The following NRG4 variants were observed in gnomAD, a reference collection of about 807,000 sequenced individuals.
The protein encoded by NRG4 is neuregulin 4, also known as pro-neuregulin-4, membrane-bound isoform.
A neutral mutation model predicts 15.0 loss-of-function variants in NRG4; 10 were observed. The observed-to-expected ratio is 0.67, with a 90% CI of 0.41 to 1.13. The LOEUF (loss-of-function observed/expected upper bound fraction) is 1.13. Among genes scored for constraint, NRG4 ranks in the 50% most tolerant of loss-of-function variants. NRG4 has a pLI of 0.00. For synonymous variants in NRG4, 41 were observed against 50.1 expected, an observed-to-expected ratio of 0.82 and a Z score of 0.77; for missense variants, 139 against 140.2, an observed-to-expected ratio of 0.99 and a Z score of 0.04.
chr15:76,055,912 T>C (rs1411814497), intron 2 of NRG4, among the ~76,000 whole-genome samples: 1 of 152,244 alleles, frequency 6.6e-6, no homozygotes, highest in East Asian at 1.9e-4. Context: ...GATCTACTGT[T>C]CTTATTGCCC....
At chr15:75,978,381 AT>A (rs1157857291) in intron 3 of NRG4, among the ~76,000 whole-genome samples, 2 of 151,870 alleles carry the variant, frequency 1.3e-5, no homozygotes, top group African/African-American at 4.8e-5. Flanking sequence ...ACGGGACTTC[AT>A]TTTTTTTATG....
At chr15:76,035,051 A>G (rs1382743900) in intron 5 of NRG4, among the ~76,000 whole-genome samples, 1 of 152,232 alleles carries the variant, frequency 6.6e-6, no homozygotes, top group Non-Finnish European at 1.5e-5. Context: ...TTGCGGTCAC[A>G]TAACAAGGGT....
chr15:76,042,516 G>T (rs1212864203), intron 4 of NRG4, among the ~76,000 whole-genome samples: 1 of 150,848 alleles, frequency 6.6e-6, no homozygotes, highest in Non-Finnish European at 1.5e-5. Context: ...ATCATTAGAG[G>T]CTACTGTGAG....
intron 3 of NRG4, among the ~76,000 whole-genome samples, chr15:75,986,937 A>C (rs1024649114): frequency 6.6e-6 from 1 of 152,204 alleles, no homozygotes; most frequent in African/African-American, 2.4e-5. Flanking sequence ...AAGTTTAAGA[A>C]CTATTTATTT....
intron 4 of NRG4, among the ~76,000 whole-genome samples, chr15:76,047,067 C>G (rs2035884751): frequency 6.6e-6 from 1 of 150,738 alleles, no homozygotes; most frequent in Admixed American, 6.6e-5. Flanking sequence ...AAAAAACACT[C>G]AACATGACTA....
chr15:75,967,379 C>T (rs1165674784), intron 3 of NRG4, among the ~76,000 whole-genome samples: 1 of 151,418 alleles, frequency 6.6e-6, no homozygotes, highest in African/African-American at 2.4e-5. Context: ...ATGACATTAG[C>T]ACCATTAAAA....
At chr15:76,047,740 A>C (rs2035906465) in intron 4 of NRG4, among the ~76,000 whole-genome samples, 2 of 151,182 alleles carry the variant, frequency 1.3e-5, no homozygotes, top group Non-Finnish European at 2.9e-5. Context: ...ACCTCAAAAA[A>C]AGTGAAAAAA....
chr15:75,979,988 T>A (rs1217550424), intron 3 of NRG4, among the ~76,000 whole-genome samples: 3 of 152,184 alleles, frequency 2.0e-5, no homozygotes, highest in African/African-American at 7.2e-5. Flanking sequence ...TCAACTAATT[T>A]ATCATTTTTT....
chr15:76,043,249 T>C (rs772853426), intron 4 of NRG4, among the ~76,000 whole-genome samples: 4 of 152,190 alleles, frequency 2.6e-5, no homozygotes, highest in Non-Finnish European at 5.9e-5. Flanking sequence ...ATGACAAGGA[T>C]GCCCACTTTC....
intron 3 of NRG4, among the ~76,000 whole-genome samples, chr15:76,000,392 A>G (rs183828425): frequency 6.6e-6 from 1 of 152,334 alleles, no homozygotes; most frequent in Admixed American, 6.5e-5. Flanking sequence ...TATATAAACA[A>G]ATACATTATC....
At chr15:76,050,674 G>C (rs888026703) in intron 4 of NRG4, among the ~76,000 whole-genome samples, 4 of 137,452 alleles carry the variant, frequency 2.9e-5, no homozygotes, top group Non-Finnish European at 4.6e-5. Flanking sequence ...TTGAACTCCT[G>C]ACCTCCTGAT....
downstream of NRG4, chr15:75,936,639 A>G (rs1366046058): frequency 6.6e-6 from 1 of 152,096 alleles, no homozygotes; most frequent in African/African-American, 2.4e-5. Context: ...TAATGGCACA[A>G]TCTCGACTCA....
intron 3 of NRG4, among the ~76,000 whole-genome samples, chr15:75,996,447 T>A (rs1385597285): frequency 2.6e-5 from 4 of 152,168 alleles, no homozygotes. Context: ...ATTAAACAAA[T>A]GAGCCTTGCT....
intron 3 of NRG4, among the ~76,000 whole-genome samples, chr15:75,990,671 G>GTTTTTTTTT (rs374504639): frequency 3.8e-5 from 5 of 130,614 alleles, no homozygotes; most frequent in African/African-American, 5.9e-5. Context: ...GTTGGTAATT[G>GTTTTTTTTT]TTTTTTTTTT....
At chr15:75,955,523 G>C (rs2032184420) in intron 5 of NRG4, among the ~76,000 whole-genome samples, 1 of 151,948 alleles carries the variant, frequency 6.6e-6, no homozygotes, top group Non-Finnish European at 1.5e-5. Flanking sequence ...ACTCCATCTT[G>C]GCCAGAAGTC....
intron 4 of NRG4, among the ~76,000 whole-genome samples, chr15:76,049,464 C>CA (rs2035947429): frequency 6.6e-6 from 1 of 150,730 alleles, no homozygotes; most frequent in Non-Finnish European, 1.5e-5. Flanking sequence ...CACATTCACT[C>CA]TACACCCAAT....
chr15:76,035,601 T>C (rs944313866), intron 5 of NRG4, among the ~76,000 whole-genome samples: 1 of 152,136 alleles, frequency 6.6e-6, no homozygotes, highest in African/African-American at 2.4e-5. Context: ...GGCAGTGTTA[T>C]AGAAATACAT....
At chr15:76,000,133 C>T (rs1038792586) in intron 3 of NRG4, among the ~76,000 whole-genome samples, 6 of 152,154 alleles carry the variant, frequency 3.9e-5, no homozygotes, top group Non-Finnish European at 8.8e-5. Flanking sequence ...ATCCACCCAC[C>T]TCGGCCTCCT....
intron 3 of NRG4, among the ~76,000 whole-genome samples, chr15:75,996,755 G>A (rs972195143): frequency 6.6e-6 from 1 of 152,092 alleles, no homozygotes; most frequent in Non-Finnish European, 1.5e-5. Context: ...GGAATCAGAT[G>A]AAATGGCTGT....
Sources: gnomAD v4.1 joint callset for allele counts (sites outside exome capture counted in the v4.1 genomes callset) on GRCh38, gnomAD v4.1.1 for gene constraint, MANE v1.5 for transcripts, NCBI Gene and HGNC (gene_info 2026-07-23, HGNC 2026-07-21) for gene names.